PIK3C3: variants seen among roughly 807,000 people sequenced by gnomAD.
PIK3C3 encodes phosphatidylinositol 3-kinase catalytic subunit type 3, also known as PI3-kinase type 3.
A neutral mutation model predicts 126.1 loss-of-function variants in PIK3C3; 95 were observed. The ratio of observed to expected loss-of-function variants is 0.75; its 90% confidence interval spans 0.64 to 0.89. PIK3C3 has a LOEUF of 0.89. PIK3C3 is among the 40% of genes least tolerant of loss of function. PIK3C3 has a pLI of 0.00. For missense variants in PIK3C3, 829 were observed against 1,063.2 expected (o/e 0.78, Z 3.06); for synonymous variants, 374 against 360.0 (o/e 1.04, Z -0.44).
chr18:42,043,329 G>T (rs1450144835), intron 19 of PIK3C3, among the ~76,000 whole-genome samples: 1 of 152,086 alleles, frequency 6.6e-6, no homozygotes, highest in African/African-American at 2.4e-5. Context: ...TTGACCTCAT[G>T]ATCTGCCCAC....
intron 3 of PIK3C3, among the ~76,000 whole-genome samples, chr18:41,969,138 A>T (rs1478946470): frequency 1.3e-5 from 2 of 149,254 alleles, no homozygotes; most frequent in African/African-American, 2.5e-5. Flanking sequence ...TTTTTTTTTT[A>T]AAGTATTAAA....
At chr18:42,030,141 T>C (rs1405940537) in intron 15 of PIK3C3, among the ~76,000 whole-genome samples, 4 of 152,198 alleles carry the variant, frequency 2.6e-5, no homozygotes, top group Non-Finnish European at 2.9e-5. Context: ...ATATTTGATA[T>C]GGAAAGAATC....
Position 42,046,457 on chromosome 18 carries a change from G to A in PIK3C3, c.2188+2640G>A, listed in dbSNP as rs531015730. Reference sequence around the variant, plus strand: ...CACACATATCTTTACTAAGTAAAGGGAAATAGGATCAGTGGTCTATTTGTC... The same window carrying A: ...CACACATATCTTTACTAAGTAAAGGAAAATAGGATCAGTGGTCTATTTGTC... On this transcript the variant is annotated intron_variant, in intron 20 of 24. Transcript: ENST00000262039. Among the ~76,000 whole-genome samples, 4 of 152,168 alleles carry A rather than the reference G, an allele frequency of 2.6e-5. No homozygotes were observed. The South Asian group carries it at 8.3e-4, about 32-fold the overall frequency.
chr18:41,999,122 T>A (rs986817573), intron 9 of PIK3C3, among the ~76,000 whole-genome samples: 1 of 152,132 alleles, frequency 6.6e-6, no homozygotes, highest in Non-Finnish European at 1.5e-5. Flanking sequence ...TAGTCAGGAC[T>A]TGATGTTTCA....
chr18:42,019,075 A>G (rs1408357170), intron 12 of PIK3C3, among the ~76,000 whole-genome samples: 3 of 152,100 alleles, frequency 2.0e-5, no homozygotes, highest in South Asian at 2.1e-4. Flanking sequence ...TAATGGAAAC[A>G]ATAGAAACCA....
chr18:42,034,883 TA>T (rs1983980112), intron 16 of PIK3C3, among the ~76,000 whole-genome samples: 1 of 152,180 alleles, frequency 6.6e-6, no homozygotes, highest in Admixed American at 6.5e-5. Flanking sequence ...TCATATTTTT[TA>T]AAAAAGTGTG....
At chr18:42,073,737 A>G (rs1412243171) in intron 24 of PIK3C3, among the ~76,000 whole-genome samples, 1 of 149,328 alleles carries the variant, frequency 6.7e-6, no homozygotes, top group Non-Finnish European at 1.5e-5. Context: ...TTTTTTTTTA[A>G]TTTGTATTCC....
At position 42,044,074 on chromosome 18, in the gene PIK3C3, G is replaced by A. The variant is rs1984449777; in HGVS notation, c.2188+257G>A. Among the ~76,000 whole-genome samples, 3 of 152,108 alleles carry A rather than the reference G, an allele frequency of 2.0e-5. No homozygotes were observed. The South Asian group carries it at 6.2e-4, about 32-fold the overall frequency. On this transcript the variant is annotated intron_variant, in intron 20 of 24. Transcript: ENST00000262039. ...TTATAATCACAGTTTATCTCTTCCT[G>A]GAAGCTGTTAATTTTCCATTAGATT...
chr18:41,991,512 A>C (rs889853049), intron 6 of PIK3C3, among the ~76,000 whole-genome samples: 5 of 152,224 alleles, frequency 3.3e-5, no homozygotes, highest in African/African-American at 1.2e-4. Flanking sequence ...TTCTTCTAGC[A>C]TATGACCAAG....
At position 42,057,953 on chromosome 18, in the gene PIK3C3, G is replaced by A. The variant is rs747715834; in HGVS notation, c.2334G>A (p.Lys778=). ...CAAAGCCTCTTCCTCCACCAATGAAGCTGAATAAAGAAATGGTAGAAGGAA... is the reference window on the plus strand; with the variant it reads ...CAAAGCCTCTTCCTCCACCAATGAAACTGAATAAAGAAATGGTAGAAGGAA... ...RDPKPLPPPM[K]LNKEMVEGMG... Residue 778 remains lysine, a synonymous_variant, in exon 22 of 25, where the codon AAG becomes AAA. Coordinates refer to ENST00000262039, the MANE Select transcript of PIK3C3 (RefSeq NM_002647.4). 6.2e-7 allele frequency: 1 copy of A among 1,613,688 alleles called. No homozygotes were observed. Among genetic ancestry groups the A allele is most frequent in the Non-Finnish European group, 8.5e-7 (1 of 1,179,780 alleles).
chr18:42,071,883 G>A (rs775196330), intron 24 of PIK3C3, among the ~76,000 whole-genome samples: 3 of 152,114 alleles, frequency 2.0e-5, no homozygotes, highest in Non-Finnish European at 4.4e-5. Context: ...TATATAATTT[G>A]TGCTCCAAAA....
intron 20 of PIK3C3, among the ~76,000 whole-genome samples, chr18:42,044,873 A>G (rs1055535231): frequency 6.6e-6 from 1 of 152,182 alleles, no homozygotes; most frequent in African/African-American, 2.4e-5. Flanking sequence ...GTCCCTATTT[A>G]TGCCTATGCT....
intron 1 of PIK3C3, among the ~76,000 whole-genome samples, chr18:41,957,213 A>G (rs1979825325): frequency 6.6e-6 from 1 of 152,244 alleles, no homozygotes; most frequent in African/African-American, 2.4e-5. Flanking sequence ...GGTCAACTTG[A>G]AATGAAGAAA....
At chr18:42,054,769 T>G (rs1984986147) in intron 21 of PIK3C3, among the ~76,000 whole-genome samples, 1 of 152,118 alleles carries the variant, frequency 6.6e-6, no homozygotes, top group African/African-American at 2.4e-5. Context: ...TCTCTTCTTC[T>G]GAATCTGTAA....
chr18:41,987,284 C>T (rs950069555), intron 4 of PIK3C3, among the ~76,000 whole-genome samples: 8 of 152,164 alleles, frequency 5.3e-5, no homozygotes, highest in South Asian at 2.1e-4. Flanking sequence ...ACTCTACCAA[C>T]TGCTATTCTA....
At chr18:42,054,551 A>C (rs1172141667) in intron 21 of PIK3C3, among the ~76,000 whole-genome samples, 3 of 152,152 alleles carry the variant, frequency 2.0e-5, no homozygotes, top group African/African-American at 7.2e-5. Context: ...AATCCAGTCA[A>C]GTTGACAGTC....
At chr18:41,994,116 A>G (rs764862263) in intron 7 of PIK3C3, among the ~76,000 whole-genome samples, 2 of 152,150 alleles carry the variant, frequency 1.3e-5, no homozygotes, top group Non-Finnish European at 2.9e-5. Context: ...TGATGAAAAC[A>G]TGATGATTGA....
chr18:42,062,718 C>CT (rs1985371125), intron 22 of PIK3C3, among the ~76,000 whole-genome samples: 1 of 152,054 alleles, frequency 6.6e-6, no homozygotes, highest in South Asian at 2.1e-4. Context: ...CATATCTCCT[C>CT]TGAGATATAT....
At chr18:42,066,692 C>T (rs995296176) in intron 23 of PIK3C3, among the ~76,000 whole-genome samples, 1 of 152,090 alleles carries the variant, frequency 6.6e-6, no homozygotes, top group African/African-American at 2.4e-5. Flanking sequence ...GTAACATTGA[C>T]TTTTATATAT....
Sources: gnomAD v4.1 joint callset for allele counts (sites outside exome capture counted in the v4.1 genomes callset) on GRCh38, gnomAD v4.1.1 for gene constraint, MANE v1.5 for transcripts, NCBI Gene and HGNC (gene_info 2026-07-23, HGNC 2026-07-21) for gene names.